ATRN: variants seen among roughly 807,000 people sequenced by gnomAD.
The protein encoded by ATRN is attractin.
A neutral mutation model predicts 178.7 loss-of-function variants in ATRN; 54 were observed. That is an observed-to-expected ratio of 0.30 (90% CI 0.24 to 0.38). The LOEUF is 0.38. Among genes scored for constraint, ATRN ranks in the 10% least tolerant of loss-of-function variants. The pLI is 1.00. For missense variants in ATRN, 1,443 were observed against 1,815.1 expected (o/e 0.79, Z 3.73); for synonymous variants, 636 against 663.0 (o/e 0.96, Z 0.63).
chr20:3,554,360 G>A (rs1022386646), intron 6 of ATRN, among the ~76,000 whole-genome samples: 10 of 104,834 alleles, frequency 9.5e-5, no homozygotes, highest in African/African-American at 3.6e-4. Context: ...TTTTGAAATG[G>A]AGTCTCGCTC....
chr20:3,650,868 T>TA lies in ATRN; in HGVS notation c.*4022dup, dbSNP rs778759987. The TA allele has an allele frequency of 1.3e-5, 2 of 152,558 alleles. No homozygotes were observed. The highest frequency in any genetic ancestry group is 2.9e-5 in the Non-Finnish European group (2 of 68,052). 9.5% of individuals were successfully genotyped at this position (152,558 alleles called of 1,614,324 possible). ...TTAATATGTATAATTTAGCATCTAT[T>TA]ACACTCATGTAAATATGGAGTAAGT... is the stretch of plus-strand genomic sequence containing the variant. On this transcript the variant is annotated 3_prime_UTR_variant, in exon 29 of 29. Coordinates refer to ENST00000262919, the MANE Select transcript of ATRN (RefSeq NM_139321.3).
intron 24 of ATRN, among the ~76,000 whole-genome samples, chr20:3,621,819 C>A (rs888087063): frequency 6.6e-6 from 1 of 151,628 alleles, no homozygotes; most frequent in African/African-American, 2.4e-5. Context: ...TAGTTACAAT[C>A]ATGAAGCAGG....
At chr20:3,596,508 G>A in intron 21 of ATRN, 79 bp downstream of exon 21, 3 of 1,356,474 alleles carry the variant, frequency 2.2e-6, no homozygotes, top group Middle Eastern at 1.9e-4. Flanking sequence ...TTTGAGAATA[G>A]TAAGTGCTAT....
Position 3,545,854 on chromosome 20 carries a change from C to G in ATRN, c.701C>G (p.Ala234Gly). Reference sequence around the variant, plus strand: ...GCCTTGCTGCATTTTTTTAGTGATGCTGCTTATAATTTGACTGGATTTAAT... The same window carrying G: ...GCCTTGCTGCATTTTTTTAGTGATGGTGCTTATAATTTGACTGGATTTAAT... ...GYALLHFFSD[A>G]AYNLTGFNIT... Residue 234 changes from alanine to glycine, a missense_variant, in exon 4 of 29, where the codon GCT becomes GGT. Coordinates refer to ENST00000262919, the MANE Select transcript of ATRN (RefSeq NM_139321.3). The G allele has an allele frequency of 6.2e-7, 1 of 1,613,890 alleles. No homozygotes were observed. The highest frequency in any genetic ancestry group is 8.5e-7 in the Non-Finnish European group (1 of 1,179,872).
chr20:3,635,850 G>GT (rs1478046996), intron 26 of ATRN, among the ~76,000 whole-genome samples: 2 of 152,082 alleles, frequency 1.3e-5, no homozygotes, highest in African/African-American at 4.8e-5. Context: ...TATTCAAAGG[G>GT]TTTTTTAGAT....
chr20:3,564,503 G>C (rs1485978581), intron 10 of ATRN, among the ~76,000 whole-genome samples: 1 of 152,146 alleles, frequency 6.6e-6, no homozygotes, highest in Non-Finnish European at 1.5e-5. Context: ...GGTTGGCATG[G>C]TATAGCAGCA....
At position 3,578,594 on chromosome 20, in the gene ATRN, G is replaced by T; in HGVS notation, c.2366G>T (p.Gly789Val). The T allele has an allele frequency of 6.2e-7, 1 of 1,603,350 alleles. No individual in the cohort carries two copies. Reference sequence around the variant, plus strand: ...CCCTTAATGAAAGAAAATATCTGTGGCATTGGCTGGCATTTGGTTGGAAAC... The same window carrying T: ...CCCTTAATGAAAGAAAATATCTGTGTCATTGGCTGGCATTTGGTTGGAAAC... The part of the protein sequence containing the change: ...ECIALPENIC[G>V]IGWHLVGNSC... Residue 789 changes from glycine to valine, a missense_variant, in exon 15 of 29, where the codon GGC (glycine) becomes GTC (valine). Coordinates refer to ENST00000262919, the MANE Select transcript of ATRN (RefSeq NM_139321.3).
intron 15 of ATRN, among the ~76,000 whole-genome samples, chr20:3,579,613 T>A (rs2146254506): frequency 6.6e-6 from 1 of 152,326 alleles, no homozygotes; most frequent in African/African-American, 2.4e-5. Context: ...TCAAGTTCTC[T>A]GCTTGTCCAC....
chr20:3,568,802 C>T (rs943596835), intron 11 of ATRN, among the ~76,000 whole-genome samples: 2 of 152,148 alleles, frequency 1.3e-5, no homozygotes, highest in African/African-American at 2.4e-5. Context: ...ATGTAACACA[C>T]GTATTTTCTC....
chr20:3,619,438 G>A (rs1315161861), intron 24 of ATRN, among the ~76,000 whole-genome samples: 1 of 152,140 alleles, frequency 6.6e-6, no homozygotes, highest in Non-Finnish European at 1.5e-5. Flanking sequence ...TGAGGCCAGA[G>A]GCCAATGAAA....
intron 27 of ATRN, among the ~76,000 whole-genome samples, chr20:3,641,480 A>G (rs1043194761): frequency 6.8e-6 from 1 of 147,334 alleles, no homozygotes; most frequent in Non-Finnish European, 1.5e-5. Context: ...AATCCCAGCT[A>G]CTTGGGAGGC....
At chr20:3,569,847 G>A (rs929343220) in intron 11 of ATRN, among the ~76,000 whole-genome samples, 8 of 152,164 alleles carry the variant, frequency 5.3e-5, no homozygotes, top group Non-Finnish European at 1.0e-4. Context: ...AAGGCAGGAG[G>A]ATTGCTTGAG....
chr20:3,630,752 G>A (rs1234296058), intron 25 of ATRN, among the ~76,000 whole-genome samples: 1 of 152,038 alleles, frequency 6.6e-6, no homozygotes, highest in Non-Finnish European at 1.5e-5. Context: ...TCTCCCTTGT[G>A]GGGGTTGAAC....
At chr20:3,512,190 T>C (rs910739169) in intron 1 of ATRN, among the ~76,000 whole-genome samples, 24 of 150,416 alleles carry the variant, frequency 1.6e-4, no homozygotes, top group African/African-American at 4.7e-4. Flanking sequence ...ATGTGCCATG[T>C]TGGTGTGCTG....
chr20:3,562,168 G>GT, intron 8 of ATRN, 108 bp from the exon 9 acceptor site: 3 of 888,038 alleles, frequency 3.4e-6, no homozygotes, highest in Non-Finnish European at 5.2e-6. Flanking sequence ...AAAAGTATAT[G>GT]TATCAGGTCT....
chr20:3,494,176 T>C (rs939280469), intron 1 of ATRN, among the ~76,000 whole-genome samples: 13 of 152,170 alleles, frequency 8.5e-5, no homozygotes, highest in African/African-American at 2.9e-4. Context: ...TAAGTTATTC[T>C]AGACAGAGAA....
chr20:3,501,356 G>A (rs1303219876), intron 1 of ATRN, among the ~76,000 whole-genome samples: 1 of 152,092 alleles, frequency 6.6e-6, no homozygotes, highest in East Asian at 1.9e-4. Flanking sequence ...AAGCAACCTA[G>A]GTAGCATTGA....
chr20:3,500,680 C>A (rs2084949886), intron 1 of ATRN, among the ~76,000 whole-genome samples: 1 of 111,670 alleles, frequency 9.0e-6, no homozygotes, highest in East Asian at 2.7e-4. Flanking sequence ...ACTCTGGGGA[C>A]TGTTGTGGGG....
chr20:3,596,509 T>C, intron 21 of ATRN, 80 bp downstream of exon 21: 3 of 1,315,978 alleles, frequency 2.3e-6, no homozygotes, highest in Non-Finnish European at 3.3e-6. Flanking sequence ...TTGAGAATAG[T>C]AAGTGCTATA....
Sources: allele counts gnomAD v4.1 joint callset (sites outside exome capture counted in the v4.1 genomes callset), GRCh38; gene constraint gnomAD v4.1.1; transcripts MANE v1.5; gene names NCBI Gene and HGNC (gene_info 2026-07-23, HGNC 2026-07-21).